Variants in PCDH9 observed in about 807,000 individuals in gnomAD.
The protein encoded by PCDH9 is protocadherin 9.
In PCDH9, 24 loss-of-function variants were observed where a neutral mutation model predicts 70.6. That is an observed-to-expected ratio of 0.34 (90% CI 0.25 to 0.48). The LOEUF (loss-of-function observed/expected upper bound fraction) is 0.48. Ranked by LOEUF, PCDH9 falls within the 20% of genes least tolerant of loss-of-function variation. The pLI is 0.99. For synonymous variants in PCDH9, 562 were observed against 558.5 expected (o/e 1.01, Z -0.09); for missense variants, 1,281 against 1,503.6 (o/e 0.85, Z 2.45).
At chr13:66,749,323 T>C (rs1423923041) in intron 3 of PCDH9, among the ~76,000 whole-genome samples, 1 of 152,188 alleles carries the variant, frequency 6.6e-6, no homozygotes, top group African/African-American at 2.4e-5. Context: ...TATGAGGATA[T>C]AAAAATCAAA....
At chr13:66,808,245 T>C (rs2080441906) in intron 3 of PCDH9, among the ~76,000 whole-genome samples, 1 of 152,172 alleles carries the variant, frequency 6.6e-6, no homozygotes, top group Non-Finnish European at 1.5e-5. Flanking sequence ...TTTCTTTCTG[T>C]TATTGAAGGA....
intron 4 of PCDH9, among the ~76,000 whole-genome samples, chr13:66,417,275 G>C (rs1157381474): frequency 6.6e-6 from 1 of 152,110 alleles, no homozygotes; most frequent in Non-Finnish European, 1.5e-5. Flanking sequence ...AGAATATGTG[G>C]TGTTTGGTTT....
At chr13:66,387,769 G>A (rs1956953315) in intron 4 of PCDH9, among the ~76,000 whole-genome samples, 2 of 151,916 alleles carry the variant, frequency 1.3e-5, no homozygotes, top group Non-Finnish European at 2.9e-5. Flanking sequence ...AACATAAATG[G>A]ACTAAGACAC....
intron 4 of PCDH9, among the ~76,000 whole-genome samples, chr13:66,549,054 A>C (rs1961346846): frequency 6.6e-6 from 1 of 152,056 alleles, no homozygotes; most frequent in African/African-American, 2.4e-5. Flanking sequence ...ACTCATTGCA[A>C]TTTGTCTTAT....
intron 2 of PCDH9, among the ~76,000 whole-genome samples, chr13:66,946,464 G>C (rs564388979): frequency 9.2e-4 from 140 of 152,162 alleles, no homozygotes; most frequent in African/African-American, 3.2e-3. Context: ...GAGGCCAAGA[G>C]TACAAGACCA....
chr13:67,042,639 A>G (rs1349126413), intron 2 of PCDH9, among the ~76,000 whole-genome samples: 1 of 152,226 alleles, frequency 6.6e-6, no homozygotes, highest in Non-Finnish European at 1.5e-5. Context: ...TACTCTTTAC[A>G]TTAGCAATTG....
intron 2 of PCDH9, among the ~76,000 whole-genome samples, chr13:67,188,016 T>C (rs1316433422): frequency 6.6e-6 from 1 of 152,118 alleles, no homozygotes; most frequent in African/African-American, 2.4e-5. Flanking sequence ...TACCGAACAC[T>C]AGATCTCACT....
At chr13:67,029,341 C>T (rs544495051) in intron 2 of PCDH9, among the ~76,000 whole-genome samples, 3 of 152,214 alleles carry the variant, frequency 2.0e-5, no homozygotes, top group Admixed American at 6.5e-5. Context: ...GGAATCTTAA[C>T]GCAGTCTTTG....
intron 2 of PCDH9, among the ~76,000 whole-genome samples, chr13:67,140,325 G>C (rs1256787800): frequency 6.6e-6 from 1 of 152,052 alleles, no homozygotes; most frequent in Non-Finnish European, 1.5e-5. Flanking sequence ...ACCTGTTAGA[G>C]CTAAGGTAAG....
chr13:66,519,957 C>T (rs548156603), intron 4 of PCDH9, among the ~76,000 whole-genome samples: 18 of 152,168 alleles, frequency 1.2e-4, no homozygotes, highest in East Asian at 3.9e-4. Context: ...TTTTGACTGA[C>T]GTGTATTTTC....
chr13:66,573,711 G>A (rs1386956389), intron 4 of PCDH9, among the ~76,000 whole-genome samples: 1 of 151,694 alleles, frequency 6.6e-6, no homozygotes, highest in Admixed American at 6.6e-5. Context: ...TCAGTTAAGG[G>A]TATTTTGTTG....
intron 3 of PCDH9, among the ~76,000 whole-genome samples, chr13:66,771,991 A>G (rs2079816011): frequency 6.6e-6 from 1 of 152,220 alleles, no homozygotes; most frequent in Non-Finnish European, 1.5e-5. Context: ...TTCTATTTTT[A>G]GCAGACTACC....
intron 4 of PCDH9, among the ~76,000 whole-genome samples, chr13:66,388,661 C>T (rs974192542): frequency 1.3e-5 from 2 of 152,116 alleles, no homozygotes; most frequent in African/African-American, 2.4e-5. Context: ...TTAGAAGTTA[C>T]AAGAGTTCAT....
At chr13:66,570,321 G>A (rs1294304202) in intron 4 of PCDH9, among the ~76,000 whole-genome samples, 2 of 152,016 alleles carry the variant, frequency 1.3e-5, no homozygotes, top group Non-Finnish European at 1.5e-5. Context: ...GAGAGATTCC[G>A]GTGTTGGAAC....
At chr13:66,488,438 C>A (rs1308091552) in intron 4 of PCDH9, among the ~76,000 whole-genome samples, 1 of 151,952 alleles carries the variant, frequency 6.6e-6, no homozygotes. Context: ...TATTACAAAG[C>A]CCAGGGAAAA....
intron 4 of PCDH9, among the ~76,000 whole-genome samples, chr13:66,325,601 A>C (rs1369548193): frequency 6.6e-6 from 1 of 152,086 alleles, no homozygotes; most frequent in Non-Finnish European, 1.5e-5. Flanking sequence ...ACATCATTTC[A>C]GAATTTACTT....
intron 3 of PCDH9, among the ~76,000 whole-genome samples, chr13:66,786,343 T>C (rs1028577045): frequency 1.3e-5 from 2 of 152,204 alleles, no homozygotes; most frequent in Admixed American, 1.3e-4. Context: ...AGGCCCATTA[T>C]GCAAGCTGGC....
chr13:66,470,986 G>A (rs983168259), intron 4 of PCDH9, among the ~76,000 whole-genome samples: 8 of 150,606 alleles, frequency 5.3e-5, no homozygotes, highest in Non-Finnish European at 7.4e-5. Flanking sequence ...TCAATAAAAG[G>A]CAGCCTTTAT....
intron 2 of PCDH9, among the ~76,000 whole-genome samples, chr13:67,142,521 C>G (rs534599968): frequency 5.1e-4 from 77 of 152,214 alleles, no homozygotes; most frequent in African/African-American, 1.7e-3. Flanking sequence ...TACTCTCCTC[C>G]TGGTAATTAA....
Sources: gnomAD v4.1 joint callset for allele counts (sites outside exome capture counted in the v4.1 genomes callset) on GRCh38, gnomAD v4.1.1 for gene constraint, MANE v1.5 for transcripts, NCBI Gene and HGNC (gene_info 2026-07-23, HGNC 2026-07-21) for gene names.